PRKG1: variants seen among roughly 807,000 people sequenced by gnomAD.
The protein encoded by PRKG1 is protein kinase cGMP-dependent 1.
A neutral mutation model predicts 88.1 loss-of-function variants in PRKG1; 35 were observed. That is an observed-to-expected ratio of 0.40 (90% CI 0.30 to 0.53). The LOEUF is 0.53. Ranked by LOEUF, PRKG1 falls within the 20% of genes least tolerant of loss-of-function variation. The pLI, the probability that PRKG1 is intolerant of heterozygous loss-of-function variation, is 0.59. For missense variants in PRKG1, 540 were observed against 839.8 expected, an observed-to-expected ratio of 0.64 and a Z score of 4.41; for synonymous variants, 303 against 292.5, an observed-to-expected ratio of 1.04 and a Z score of -0.37.
At chr10:52,280,581 A>G (rs1256229245) in intron 12 of PRKG1, among the ~76,000 whole-genome samples, 7 of 152,228 alleles carry the variant, frequency 4.6e-5, no homozygotes, top group South Asian at 2.1e-4. Flanking sequence ...TAACTATTCC[A>G]TTCATAAAGA....
intron 2 of PRKG1, among the ~76,000 whole-genome samples, chr10:51,173,667 A>G (rs950413013): frequency 1.3e-5 from 2 of 151,786 alleles, no homozygotes; most frequent in Admixed American, 1.3e-4. Flanking sequence ...TGAAACTTAA[A>G]CTTTTATCAT....
intron 3 of PRKG1, among the ~76,000 whole-genome samples, chr10:51,478,353 A>G (rs1193724601): frequency 6.6e-6 from 1 of 152,094 alleles, no homozygotes; most frequent in Non-Finnish European, 1.5e-5. Flanking sequence ...TGCCTTAAGG[A>G]AGAATCTGAA....
chr10:51,018,913 G>A (rs992548767), intron 1 of PRKG1, among the ~76,000 whole-genome samples: 1 of 152,134 alleles, frequency 6.6e-6, no homozygotes, highest in Non-Finnish European at 1.5e-5. Flanking sequence ...TACTTAAATA[G>A]GGAAACAAGA....
chr10:51,653,705 T>G (rs1589163903), intron 3 of PRKG1, among the ~76,000 whole-genome samples: 1 of 152,208 alleles, frequency 6.6e-6, no homozygotes, highest in Middle Eastern at 3.4e-3. Flanking sequence ...TAGCTGGGAC[T>G]ACAGGCATGT....
chr10:51,627,437 C>T (rs868030674), intron 3 of PRKG1, among the ~76,000 whole-genome samples: 6 of 152,104 alleles, frequency 3.9e-5, no homozygotes, highest in African/African-American at 1.4e-4. Context: ...GTAAGAGTTT[C>T]ATATAAGGAC....
intron 9 of PRKG1, among the ~76,000 whole-genome samples, chr10:52,231,770 T>C (rs1271903058): frequency 3.3e-5 from 5 of 152,222 alleles, no homozygotes; most frequent in Non-Finnish European, 7.3e-5. Flanking sequence ...ATTGCAGTGA[T>C]TCTTATTGCT....
intron 3 of PRKG1, among the ~76,000 whole-genome samples, chr10:51,667,968 T>C (rs1840463896): frequency 1.4e-5 from 2 of 142,004 alleles, no homozygotes; most frequent in Non-Finnish European, 3.0e-5. Flanking sequence ...TTTCCAGCTC[T>C]TTTTTTTTTC....
chr10:51,284,933 T>C (rs1469238667), intron 2 of PRKG1, among the ~76,000 whole-genome samples: 3 of 144,066 alleles, frequency 2.1e-5, no homozygotes, highest in Non-Finnish European at 3.0e-5. Context: ...TTAGGGTACA[T>C]GTGCACATTG....
intron 10 of PRKG1, among the ~76,000 whole-genome samples, chr10:52,259,609 A>G (rs941430276): frequency 3.3e-5 from 5 of 152,086 alleles, no homozygotes; most frequent in Non-Finnish European, 7.4e-5. Flanking sequence ...ACATTGAGCT[A>G]TGAGGTCAGG....
intron 2 of PRKG1, among the ~76,000 whole-genome samples, chr10:51,431,335 G>T (rs1313056875): frequency 6.6e-6 from 1 of 152,190 alleles, no homozygotes; most frequent in Non-Finnish European, 1.5e-5. Flanking sequence ...ACGGGGATGT[G>T]CCAGTTTGGT....
At chr10:52,038,920 G>A (rs1021085048) in intron 5 of PRKG1, among the ~76,000 whole-genome samples, 1 of 152,174 alleles carries the variant, frequency 6.6e-6, no homozygotes, top group Non-Finnish European at 1.5e-5. Flanking sequence ...GTGGTTGAGG[G>A]ACAGTGAGAG....
chr10:51,177,845 A>G (rs968289627), intron 2 of PRKG1, among the ~76,000 whole-genome samples: 1 of 151,970 alleles, frequency 6.6e-6, no homozygotes, highest in South Asian at 2.1e-4. Flanking sequence ...AATTATTTTT[A>G]GAAATTCTGA....
chr10:51,060,041 A>T (rs530212683), intron 1 of PRKG1, among the ~76,000 whole-genome samples: 17 of 152,222 alleles, frequency 1.1e-4, no homozygotes, highest in Admixed American at 2.6e-4. Context: ...AGATAAATTA[A>T]TCATTTTATT....
intron 2 of PRKG1, among the ~76,000 whole-genome samples, chr10:51,346,630 T>A (rs1361920281): frequency 6.6e-6 from 1 of 152,246 alleles, no homozygotes; most frequent in Non-Finnish European, 1.5e-5. Context: ...CTTGAGCTGT[T>A]AAGCCTAATG....
rs2133208067 is a variant in PRKG1, at chr10:52,030,196, TTTG to T, written c.763-24282_763-24280del. 2.0e-5 allele frequency among the ~76,000 whole-genome samples: 3 copies of T among 152,248 alleles called. No homozygotes were observed. The South Asian group carries it at 6.2e-4, about 32-fold the overall frequency. On this transcript the variant is annotated intron_variant, in intron 5 of 17. Transcript: ENST00000373980. ...AATGGGCTTTAGTAATACTGAGAAG[TTTG>T]TTGTTCTGTGTGCATACCATGCTAC...
chr10:51,635,495 A>T (rs1273602614), intron 3 of PRKG1, among the ~76,000 whole-genome samples: 1 of 152,066 alleles, frequency 6.6e-6, no homozygotes, highest in African/African-American at 2.4e-5. Context: ...TCTTCCCAAA[A>T]TGCCCGTGGC....
At chr10:51,632,056 C>T (rs2132282268) in intron 3 of PRKG1, among the ~76,000 whole-genome samples, 1 of 151,866 alleles carries the variant, frequency 6.6e-6, no homozygotes, top group African/African-American at 2.4e-5. Flanking sequence ...GAATGTGGCC[C>T]AACACAAATT....
intron 4 of PRKG1, among the ~76,000 whole-genome samples, chr10:51,856,267 C>A (rs1467783224): frequency 6.6e-6 from 1 of 152,194 alleles, no homozygotes. Flanking sequence ...AACATATTTA[C>A]AGGTTCCGGG....
At chr10:52,125,416 C>A (rs1374837240) in intron 7 of PRKG1, among the ~76,000 whole-genome samples, 1 of 152,110 alleles carries the variant, frequency 6.6e-6, no homozygotes, top group Non-Finnish European at 1.5e-5. Context: ...AGTTGTCTGT[C>A]CTAATTGCTG....
Sources: allele counts gnomAD v4.1 joint callset (sites outside exome capture counted in the v4.1 genomes callset), GRCh38; gene constraint gnomAD v4.1.1; transcripts MANE v1.5; gene names NCBI Gene and HGNC (gene_info 2026-07-23, HGNC 2026-07-21).